The following HDAC4 variants were observed in gnomAD, a reference collection of about 807,000 sequenced individuals.
HDAC4 encodes the protein histone deacetylase A.
Under a neutral mutation model 135.1 loss-of-function variants are expected in HDAC4, and 16 were observed. The ratio of observed to expected loss-of-function variants is 0.12; its 90% CI spans 0.08 to 0.18. HDAC4 has a LOEUF of 0.18. HDAC4 is among the 10% of genes least tolerant of loss of function. The probability of loss-of-function intolerance (pLI) is 1.00; values close to 1 mark genes in which losing one functional copy is unlikely to be tolerated. For missense variants in HDAC4, 1,143 were observed against 1,511.8 expected (o/e 0.76, Z 4.05); for synonymous variants, 685 against 653.4 (o/e 1.05, Z -0.74).
intron 5 of HDAC4, among the ~76,000 whole-genome samples, chr2:239,168,471 T>A (rs536109029): frequency 1.3e-5 from 2 of 152,304 alleles, no homozygotes; most frequent in East Asian, 3.9e-4. Context: ...TTGGTATCAA[T>A]AAATAAAAGT....
At chr2:239,235,084 C>T (rs1182729050) in intron 3 of HDAC4, among the ~76,000 whole-genome samples, 1 of 152,044 alleles carries the variant, frequency 6.6e-6, no homozygotes, top group South Asian at 2.1e-4. Flanking sequence ...CTTAAAGCTC[C>T]CCACCGCTCC....
intron 1 of HDAC4, among the ~76,000 whole-genome samples, chr2:239,393,019 G>A (rs1459228965): frequency 2.0e-5 from 3 of 152,182 alleles, no homozygotes; most frequent in Non-Finnish European, 4.4e-5. Flanking sequence ...CAGAATCCTG[G>A]ACCTAGGCAC....
rs1457681011 is a variant in HDAC4, at chr2:239,331,178, GT to G, written c.22+21499del. ...ATCGGAGCAAAGCGCGGCCAGCACT[GT>G]CGTGACATTGATGGCACGAAACTCA... On this transcript the variant is annotated intron_variant, in intron 2 of 26. Transcript: ENST00000543185. This position sits in a 1 kb window ranked among gnomAD's most constrained non-coding sequence, Gnocchi z 4.5. 6.6e-6 allele frequency among the ~76,000 whole-genome samples: 1 copy of G among 152,194 alleles called. No homozygotes were observed. The highest frequency in any genetic ancestry group is 1.5e-5 in the Non-Finnish European group (1 of 68,034).
chr2:239,240,937 G>A lies in HDAC4; in HGVS notation c.23-4273C>T, dbSNP rs113479242. ...CACCTTGCATCAGACGGGTAGGTAT[G>A]TCTAACCAGAAACCCGGCCTTCTGG... On this transcript the variant is annotated intron_variant, in intron 2 of 26. Coordinates refer to ENST00000543185, the MANE Select transcript of HDAC4 (RefSeq NM_001378414.1). The surrounding 1 kb of genome is among the most constrained non-coding windows in gnomAD (Gnocchi z 4.5). 2.0e-5 allele frequency among the ~76,000 whole-genome samples: 3 copies of A among 151,614 alleles called. No homozygotes were observed. Among genetic ancestry groups the A allele is most frequent in the African/African-American group, 7.3e-5 (3 of 40,860 alleles).
intron 1 of HDAC4, among the ~76,000 whole-genome samples, chr2:239,388,304 G>GC (rs1695963552): frequency 6.6e-6 from 1 of 152,204 alleles, no homozygotes; most frequent in Admixed American, 6.5e-5. Context: ...CTGGAGGGCC[G>GC]CAAGCCTGGA....
intron 2 of HDAC4, 138 bp from the exon 3 acceptor site, chr2:239,236,802 C>T: frequency 1.4e-6 from 1 of 706,318 alleles, no homozygotes; most frequent in South Asian, 1.5e-5. Flanking sequence ...GGGACACTTT[C>T]AGCTTCATCA....
chr2:239,095,111 C>T (rs374617870), intron 16 of HDAC4, 55 bp from the exon 17 acceptor site: 25 of 1,602,864 alleles, frequency 1.6e-5, no homozygotes, highest in East Asian at 8.9e-5. Context: ...CCAAGGTGCT[C>T]GACAGGCCCT....
intron 2 of HDAC4, among the ~76,000 whole-genome samples, chr2:239,269,140 CTACA>C (rs548931193): frequency 5.7e-4 from 86 of 152,202 alleles, no homozygotes; most frequent in African/African-American, 2.0e-3. Flanking sequence ...CATTCATTAT[CTACA>C]TACATTCATA....
In HDAC4 at chr2:239,102,065, TCCACGTTCTGTGCC is replaced by T. The variant is rs1443970509; in HGVS notation, c.2233+697_2233+710del. Among the ~76,000 whole-genome samples the T allele has an allele frequency of 2.8e-3, 290 of 102,942 alleles. 1 individual carries two copies. Among genetic ancestry groups the T allele is most frequent in the East Asian group, 4.9e-3 (14 of 2,870 alleles). The allele number at this position is 102,942 out of a possible 152,430, so 67.5% of individuals were successfully genotyped here. ...TGCCCTGGAAGCCCCCGGCCCCGGG[TCCACGTTCTGTGCC>T]CTGGAAGCCCCCGGCCCGGGGTCCA... is the stretch of plus-strand genomic sequence containing the variant. On this transcript the variant is annotated intron_variant, in intron 16 of 26. Transcript: ENST00000543185.
In HDAC4 at chr2:239,375,070, C is replaced by T. The variant is rs191922939; in HGVS notation, c.-219-22152G>A. On this transcript the variant is annotated intron_variant, in intron 1 of 26. Transcript: ENST00000543185. ...GCCTGCTGCGGGCAGGAAGGGCAGCCGCAGGGGTCTGATGGGTCAGCTGGG... is the reference window on the plus strand; with the variant it reads ...GCCTGCTGCGGGCAGGAAGGGCAGCTGCAGGGGTCTGATGGGTCAGCTGGG... Among the ~76,000 whole-genome samples the T allele has an allele frequency of 8.5e-5, 13 of 152,286 alleles. No individual in the cohort carries two copies. The East Asian group carries it at 1.5e-3, about 18-fold the overall frequency.
chr2:239,370,916 T>C lies in HDAC4; in HGVS notation c.-219-17998A>G, dbSNP rs1033907978. ...GACCAACATGCCCCTCATCTCCTAG[T>C]TGGATAGTCGATGACAGCTGCCATC... On this transcript the variant is annotated intron_variant, in intron 1 of 26. Coordinates refer to ENST00000543185, the MANE Select transcript of HDAC4 (RefSeq NM_001378414.1). 1.3e-5 allele frequency among the ~76,000 whole-genome samples: 2 copies of C among 152,232 alleles called. 1 individual carries two copies. Among genetic ancestry groups the C allele is most frequent in the Admixed American group, 1.3e-4 (2 of 15,292 alleles).
chr2:239,054,154 C>T (rs925609852), intron 25 of HDAC4, among the ~76,000 whole-genome samples: 7 of 152,142 alleles, frequency 4.6e-5, no homozygotes, highest in Non-Finnish European at 1.0e-4. Context: ...GGGAGCTGAG[C>T]TCTGGACTAC....
chr2:239,162,441 C>T (rs541042739), intron 6 of HDAC4: 141 of 426,740 alleles, frequency 3.3e-4, no homozygotes, highest in Non-Finnish European at 5.5e-4. Flanking sequence ...GCCCTGCAAC[C>T]CCACGCCCTG....
intron 2 of HDAC4, among the ~76,000 whole-genome samples, chr2:239,329,583 C>T (rs1221560650): frequency 6.6e-6 from 1 of 151,704 alleles, no homozygotes; most frequent in Non-Finnish European, 1.5e-5. Context: ...GACACCCGTG[C>T]TCCATTTGTT....
chr2:239,378,193 G>A (rs914821541), intron 1 of HDAC4, among the ~76,000 whole-genome samples: 3 of 151,996 alleles, frequency 2.0e-5, no homozygotes, highest in African/African-American at 7.2e-5. Context: ...GGCGTCTGTC[G>A]AAGAGCAGCC....
At chr2:239,145,167 G>C (rs1463962537) in intron 7 of HDAC4, among the ~76,000 whole-genome samples, 1 of 152,216 alleles carries the variant, frequency 6.6e-6, no homozygotes, top group African/African-American at 2.4e-5. Flanking sequence ...GACTGACAGG[G>C]ATGTGAGGCT....
intron 4 of HDAC4, among the ~76,000 whole-genome samples, chr2:239,187,570 G>C (rs1257865306): frequency 6.6e-6 from 1 of 152,300 alleles, no homozygotes; most frequent in South Asian, 2.1e-4. Context: ...TCTTCTCCCA[G>C]GCCAGAAAAA....
At chr2:239,101,051 G>A (rs1304568635) in intron 16 of HDAC4, among the ~76,000 whole-genome samples, 1 of 152,102 alleles carries the variant, frequency 6.6e-6, no homozygotes, top group South Asian at 2.1e-4. Flanking sequence ...CTGAGCTGTC[G>A]GAGTCTGTGG....
intron 3 of HDAC4, among the ~76,000 whole-genome samples, chr2:239,197,002 C>A (rs552708384): frequency 6.6e-6 from 1 of 152,170 alleles, no homozygotes; most frequent in Non-Finnish European, 1.5e-5. Flanking sequence ...CTGGCCTGGA[C>A]GGGTCCAACT....
Sources: gnomAD v4.1 joint callset for allele counts (sites outside exome capture counted in the v4.1 genomes callset) on GRCh38, gnomAD v4.1.1 for gene constraint, Gnocchi (gnomAD v3.1) non-coding constraint, MANE v1.5 for transcripts, NCBI Gene and HGNC (gene_info 2026-07-23, HGNC 2026-07-21) for gene names.